The following NPAP1 variants were observed in gnomAD, a reference collection of about 807,000 sequenced individuals.
The protein encoded by NPAP1 is nuclear pore-associated protein 1.
For missense variants in NPAP1, 1,483 were observed against 1,454.5 expected (o/e 1.02, Z -0.32); for synonymous variants, 616 against 581.4 (o/e 1.06, Z -0.86).
In NPAP1 at chr15:24,681,199, G is replaced by C. The variant is rs1359411243; in HGVS notation, c.*1861G>C. On this transcript the variant is annotated 3_prime_UTR_variant, in exon 1 of 1. Transcript: ENST00000329468. Reference sequence around the variant, plus strand: ...TTCCTTCCTCCACTTTTTACTAATTGTGTAATAACAGTTGACTCAAACTTC... The same window carrying C: ...TTCCTTCCTCCACTTTTTACTAATTCTGTAATAACAGTTGACTCAAACTTC... The C allele has an allele frequency of 6.0e-6, 1 of 167,174 alleles. No homozygotes were observed. Among genetic ancestry groups the C allele is most frequent in the Non-Finnish European group, 1.5e-5 (1 of 68,120 alleles). 10.4% of individuals were successfully genotyped at this position (167,174 alleles called of 1,614,324 possible). A position where few individuals can be genotyped will look rare whatever the true frequency, so the allele number is the denominator to read the frequency against.
At position 24,678,503 on chromosome 15, in the gene NPAP1, C is replaced by A. The variant is rs147952362; in HGVS notation, c.2636C>A (p.Ala879Glu). Residue 879 changes from alanine to glutamate, a missense_variant, in exon 1 of 1, where the codon GCA (alanine) becomes GAA (glutamate). Physicochemically the swap from Ala to Glu is moderately radical, Grantham distance 107. Coordinates refer to ENST00000329468, the MANE Select transcript of NPAP1 (RefSeq NM_018958.3). Reference sequence around the variant, plus strand: ...GTCTCCACCAGTTTTCCTGCACAGGCAGATAGGAGACCAACCACAACTTCC... The same window carrying A: ...GTCTCCACCAGTTTTCCTGCACAGGAAGATAGGAGACCAACCACAACTTCC... ...AQVSTSFPAQ[A>E]DRRPTTTSSH... The A allele has an allele frequency of 3.7e-6, 6 of 1,614,090 alleles. No homozygotes were observed. Among genetic ancestry groups the A allele is most frequent in the African/African-American group, 1.3e-5 (1 of 74,932 alleles).
rs1252664682 is a variant in NPAP1 at position 24,679,801 on chromosome 15, G to T, written c.*463G>T. 1 of 181,402 alleles carries T rather than the reference G, an allele frequency of 5.5e-6. No homozygotes were observed. The highest frequency in any genetic ancestry group is 1.3e-5 in the Non-Finnish European group (1 of 76,184). 11.2% of individuals were successfully genotyped at this position (181,402 alleles called of 1,614,324 possible). ...AACGGCTGTGACTGGTTGTACTTTTGGTCCCCCATTTACACAAAGCACCTG... is the reference window on the plus strand; with the variant it reads ...AACGGCTGTGACTGGTTGTACTTTTTGTCCCCCATTTACACAAAGCACCTG... On this transcript the variant is annotated 3_prime_UTR_variant, in exon 1 of 1. Coordinates refer to ENST00000329468, the MANE Select transcript of NPAP1 (RefSeq NM_018958.3).
Position 24,679,311 on chromosome 15 carries a change from G to A in NPAP1, c.3444G>A (p.Arg1148=), listed in dbSNP as rs2141314581. Residue 1148 remains arginine, a synonymous_variant, in exon 1 of 1, where the codon AGG becomes AGA. Transcript: ENST00000329468. ...THYYGQETYV[R]RHVCFQLP ...ACTATGGACAAGAAACATATGTTAG[G>A]AGACATGTCTGTTTCCAACTTCCGT... The A allele has an allele frequency of 6.2e-7, 1 of 1,613,222 alleles. No individual in the cohort carries two copies. The highest frequency in any genetic ancestry group is 8.5e-7 in the Non-Finnish European group (1 of 1,179,650).
rs2048974610 is a variant in NPAP1 at position 24,676,247 on chromosome 15, T to A, written c.380T>A (p.Leu127Gln). 4.6e-6 allele frequency: 7 copies of A among 1,522,216 alleles called. No homozygotes were observed. In the South Asian group the frequency reaches 5.3e-5, roughly 12 times the overall value. The allele number at this position is 1,522,216 out of a possible 1,614,324, so 94.3% of individuals were successfully genotyped here. ...PPPSRMFTLL[L>Q]PSPREPAVKA... is the part of the protein sequence containing the mutation. ...CCCAGCCGCATGTTCACTCTCCTGC[T>A]GCCTTCACCACGTGAGCCGGCGGTC... The change falls in exon 1 of 1, where the codon CTG becomes CAG. Residue 127 changes from leucine to glutamine, a missense_variant. Physicochemically the swap from Leu to Gln is moderately radical, Grantham distance 113. Transcript: ENST00000329468.
Position 24,678,908 on chromosome 15 carries a change from C to A in NPAP1, c.3041C>A (p.Pro1014His), listed in dbSNP as rs771606952. The change falls in exon 1 of 1, where the codon CCT becomes CAT. Residue 1014 changes from proline (P) to histidine (H), a missense_variant. Coordinates refer to ENST00000329468, the MANE Select transcript of NPAP1 (RefSeq NM_018958.3). Reference protein sequence around the residue: ...GPQVIMGPGTPMDGGSIGFSM... With the variant: ...GPQVIMGPGTHMDGGSIGFSM... ...CAAGTGATTATGGGACCTGGAACCC[C>A]TATGGATGGTGGGAGCATTGGGTTC... 27 of 1,614,036 alleles carry A rather than the reference C, an allele frequency of 1.7e-5. No homozygotes were observed. Among genetic ancestry groups the A allele is most frequent in the Non-Finnish European group, 2.1e-5 (25 of 1,180,048 alleles).
Position 24,676,005 on chromosome 15 carries a change from T to C in NPAP1, c.138T>C (p.Pro46=), listed in dbSNP as rs751424715. ...GRAHSVPTPR[P]FRGLFRRNAR... ...CTCACTCTGTACCCACCCCGCGCCCTTTCCGCGGCCTGTTCCGCCGGAACG... is the reference window on the plus strand; with the variant it reads ...CTCACTCTGTACCCACCCCGCGCCCCTTCCGCGGCCTGTTCCGCCGGAACG... The change falls in exon 1 of 1, where the codon CCT becomes CCC. Residue 46 remains proline, a synonymous_variant. Coordinates refer to ENST00000329468, the MANE Select transcript of NPAP1 (RefSeq NM_018958.3). 25 of 1,600,012 alleles carry C rather than the reference T, an allele frequency of 1.6e-5. No individual in the cohort carries two copies. The highest frequency in any genetic ancestry group is 2.1e-5 in the Non-Finnish European group (25 of 1,174,520).
In NPAP1 at chr15:24,676,637, C is replaced by T. The variant is rs769160754; in HGVS notation, c.770C>T (p.Pro257Leu). The T allele has an allele frequency of 2.5e-5, 40 of 1,613,950 alleles. No individual in the cohort carries two copies. Among genetic ancestry groups the T allele is most frequent in the Non-Finnish European group, 3.2e-5 (38 of 1,180,022 alleles). The change falls in exon 1 of 1, where the codon CCG becomes CTG. Residue 257 changes from proline to leucine, a missense_variant. Coordinates refer to ENST00000329468, the MANE Select transcript of NPAP1 (RefSeq NM_018958.3). ...GCARHLGKPDPDATAPPEPAV... is the reference protein window; with the variant it reads ...GCARHLGKPDLDATAPPEPAV... The stretch of plus-strand genomic sequence containing the variant: ...GCCCGGCATCTTGGAAAGCCTGATC[C>T]GGATGCAACAGCGCCCCCTGAGCCA...
rs2049021605 is a variant in NPAP1, at chr15:24,682,091, TATG to T, written c.*2756_*2758del. 2 of 167,090 alleles carry T rather than the reference TATG, an allele frequency of 1.2e-5. No homozygotes were observed. The highest frequency in any genetic ancestry group is 2.1e-4 in the South Asian group (1 of 4,826). 10.4% of individuals were successfully genotyped at this position (167,090 alleles called of 1,614,324 possible). ...TTTATGAAGCAAACACATGTAAAAA[TATG>T]ATAACAGAGACTAAAACATTTATGA... On this transcript the variant is annotated 3_prime_UTR_variant, in exon 1 of 1. Coordinates refer to ENST00000329468, the MANE Select transcript of NPAP1 (RefSeq NM_018958.3).
rs1471236328 is a variant in NPAP1, at chr15:24,676,088, T to C, written c.221T>C (p.Leu74Pro). 1.3e-6 allele frequency: 2 copies of C among 1,559,928 alleles called. No homozygotes were observed. The highest frequency in any genetic ancestry group is 2.8e-5 in the African/African-American group (2 of 72,666). The stretch of plus-strand genomic sequence containing the variant: ...GTCGCCCCTAAGAGGCCGTGTCCTC[T>C]CCCTCGGGCTGCGGCCGCCCCTCTG... Reference protein sequence around the residue: ...IFVAPKRPCPLPRAAAAPLGV... With the variant: ...IFVAPKRPCPPPRAAAAPLGV... Residue 74 changes from leucine to proline, a missense_variant, in exon 1 of 1, where the codon CTC (leucine) becomes CCC (proline). Transcript: ENST00000329468.
Position 24,678,862 on chromosome 15 carries a change from G to C in NPAP1, c.2995G>C (p.Gly999Arg), listed in dbSNP as rs756116192. The change falls in exon 1 of 1, where the codon GGA becomes CGA. Residue 999 changes from glycine to arginine, a missense_variant. Physicochemically the swap from Gly to Arg is moderately radical, Grantham distance 125 (BLOSUM62 -2). Coordinates refer to ENST00000329468, the MANE Select transcript of NPAP1 (RefSeq NM_018958.3). ...CACTGGAGACAGTACCTTACTGGTT[G>C]GAAATACTATTCCAGGCCCACAAGT... ...PGTGDSTLLV[G>R]NTIPGPQVIM... The C allele has an allele frequency of 1.2e-6, 2 of 1,614,196 alleles. No homozygotes were observed. Among genetic ancestry groups the C allele is most frequent in the South Asian group, 2.2e-5 (2 of 91,082 alleles).
rs2141307254 is a variant in NPAP1, at chr15:24,676,090, C to T, written c.223C>T (p.Pro75Ser). 1 of 1,563,524 alleles carries T rather than the reference C, an allele frequency of 6.4e-7. No individual in the cohort carries two copies. The highest frequency in any genetic ancestry group is 8.6e-7 in the Non-Finnish European group (1 of 1,158,278). ...FVAPKRPCPL[P>S]RAAAAPLGVL... ...CGCCCCTAAGAGGCCGTGTCCTCTC[C>T]CTCGGGCTGCGGCCGCCCCTCTGGG... Residue 75 changes from proline to serine, a missense_variant, in exon 1 of 1, where the codon CCT becomes TCT. By Grantham distance (74) the Pro-to-Ser change is moderately conservative. Transcript: ENST00000329468.
At position 24,675,936 on chromosome 15, in the gene NPAP1, C is replaced by T. The variant is rs142014262; in HGVS notation, c.69C>T (p.Gly23=). Residue 23 remains glycine, a synonymous_variant, in exon 1 of 1, where the codon GGC becomes GGT. Transcript: ENST00000329468. ...RRRPLPGPGR[G]APAPLSRDAS... The stretch of plus-strand genomic sequence containing the variant: ...GGCCCCTGCCAGGGCCAGGGCGTGG[C>T]GCCCCCGCTCCCCTGTCCCGGGACG... 651 of 1,583,640 alleles carry T rather than the reference C, an allele frequency of 4.1e-4. 2 individuals are homozygous for T. The African/African-American group carries it at 7.2e-3, about 18-fold the overall frequency.
Position 24,677,956 on chromosome 15 carries a change from A to C in NPAP1, c.2089A>C (p.Thr697Pro). Residue 697 changes from threonine (T) to proline (P), a missense_variant, in exon 1 of 1, where the codon ACC becomes CCC. Thr to Pro is a conservative substitution (Grantham distance 38). Transcript: ENST00000329468. ...TASSSKPPIETNAMHTTPPSK... is the reference protein window; with the variant it reads ...TASSSKPPIEPNAMHTTPPSK... The stretch of plus-strand genomic sequence containing the variant: ...ATCATCATCCAAACCTCCCATTGAA[A>C]CCAATGCTATGCATACCACTCCTCC... 1 of 1,612,946 alleles carries C rather than the reference A, an allele frequency of 6.2e-7. No homozygotes were observed. Among genetic ancestry groups the C allele is most frequent in the East Asian group, 2.2e-5 (1 of 44,792 alleles).
Position 24,677,265 on chromosome 15 carries a change from T to G in NPAP1, c.1398T>G (p.Pro466=). 1 of 1,614,180 alleles carries G rather than the reference T, an allele frequency of 6.2e-7. No individual in the cohort carries two copies. Among genetic ancestry groups the G allele is most frequent in the Non-Finnish European group, 8.5e-7 (1 of 1,180,036 alleles). ...TCCCTAACTCTCCTCTGGCTCTTCC[T>G]GCTGACCTTGTTCCCATTTTGGGTG... ...FTIPNSPLAL[P]ADLVPILGDQ... is the part of the protein sequence containing the mutation. The change falls in exon 1 of 1, where the codon CCT becomes CCG. Residue 466 remains proline, a synonymous_variant. Coordinates refer to ENST00000329468, the MANE Select transcript of NPAP1 (RefSeq NM_018958.3).
Position 24,680,015 on chromosome 15 carries a change from GT to G in NPAP1, c.*682del. ...TGTTTGTTTGTTTGTTTGTTTGTTT[GT>G]TTTTGAGACGGAGCCTTAGCCCAGG... is the stretch of plus-strand genomic sequence containing the variant. On this transcript the variant is annotated 3_prime_UTR_variant, in exon 1 of 1. Transcript: ENST00000329468. 2 of 189,998 alleles carry G rather than the reference GT, an allele frequency of 1.1e-5. No individual in the cohort carries two copies. Among genetic ancestry groups the G allele is most frequent in the South Asian group, 1.3e-4 (1 of 7,464 alleles). The allele number at this position is 189,998 out of a possible 1,614,324, so 11.8% of individuals were successfully genotyped here.
Position 24,679,457 on chromosome 15 carries a change from C to T in NPAP1, c.*119C>T, listed in dbSNP as rs28469529. On this transcript the variant is annotated 3_prime_UTR_variant, in exon 1 of 1. Coordinates refer to ENST00000329468, the MANE Select transcript of NPAP1 (RefSeq NM_018958.3). ...CATGCCAAGCACCTGCCATGTACCT[C>T]TCCAGAACTCAGGTTGTGCACCAGG... 1 of 754,252 alleles carries T rather than the reference C, an allele frequency of 1.3e-6. No individual in the cohort carries two copies. Among genetic ancestry groups the T allele is most frequent in the Non-Finnish European group, 2.2e-6 (1 of 451,582 alleles). The allele number at this position is 754,252 out of a possible 1,614,324, so 46.7% of individuals were successfully genotyped here. A position where few individuals can be genotyped will look rare whatever the true frequency, so the allele number is the denominator to read the frequency against.
Position 24,675,927 on chromosome 15 carries a change from A to C in NPAP1, c.60A>C (p.Pro20=), listed in dbSNP as rs1212147370. The part of the protein sequence containing the change: ...PGCRRRPLPG[P]GRGAPAPLSR... ...GCCGCCGCCGGCCCCTGCCAGGGCC[A>C]GGGCGTGGCGCCCCCGCTCCCCTGT... Residue 20 remains proline (P), a synonymous_variant, in exon 1 of 1, where the codon CCA becomes CCC. Transcript: ENST00000329468. 1.3e-6 allele frequency: 2 copies of C among 1,585,606 alleles called. No individual in the cohort carries two copies. Among genetic ancestry groups the C allele is most frequent in the Admixed American group, 3.6e-5 (2 of 56,006 alleles).
the NPAP1 span, chr15:24,679,212 T>A: frequency 6.2e-7 from 1 of 1,614,232 alleles, no homozygotes; most frequent in Non-Finnish European, 8.5e-7. Context: ...GAGGCCCTTG[T>A]GTTCCTGCTT....
In NPAP1 at chr15:24,679,409, G is replaced by A. The variant is rs2049002720; in HGVS notation, c.*71G>A. ...AAATACCAGCATTATCCTTTTGTAT[G>A]GTCATGCTTCTAGTTTCATCTTCAT... On this transcript the variant is annotated 3_prime_UTR_variant, in exon 1 of 1. Transcript: ENST00000329468. 8.7e-7 allele frequency: 1 copy of A among 1,154,054 alleles called. No homozygotes were observed. Among genetic ancestry groups the A allele is most frequent in the Admixed American group, 1.9e-5 (1 of 51,382 alleles). The allele number at this position is 1,154,054 out of a possible 1,614,324, so 71.5% of individuals were successfully genotyped here.
Sources: allele counts gnomAD v4.1 joint callset, GRCh38; gene constraint gnomAD v4.1.1; transcripts MANE v1.5; gene names NCBI Gene and HGNC (gene_info 2026-07-23, HGNC 2026-07-21).